ZNF827: variants seen among roughly 807,000 people sequenced by gnomAD.
The protein encoded by ZNF827 is zinc finger protein 827.
A neutral mutation model predicts 102.4 loss-of-function variants in ZNF827; 13 were observed. The observed-to-expected ratio is 0.13, with a 90% CI of 0.08 to 0.20. The LOEUF (loss-of-function observed/expected upper bound fraction) is 0.20, where lower values mean the gene tolerates loss of function less well. Ranked by LOEUF, ZNF827 falls within the 10% of genes least tolerant of loss-of-function variation. The pLI, the probability that ZNF827 is intolerant of heterozygous loss-of-function variation, is 1.00. For synonymous variants in ZNF827, 523 were observed against 536.2 expected, an observed-to-expected ratio of 0.98 and a Z score of 0.34; for missense variants, 1,103 against 1,344.4, an observed-to-expected ratio of 0.82 and a Z score of 2.81.
At chr4:145,809,937 C>T (rs956857272) in intron 8 of ZNF827, among the ~76,000 whole-genome samples, 6 of 152,190 alleles carry the variant, frequency 3.9e-5, no homozygotes, top group Non-Finnish European at 8.8e-5. Context: ...ATTAATTAAA[C>T]TCTTTACTGC....
intron 7 of ZNF827, among the ~76,000 whole-genome samples, chr4:145,836,583 T>C (rs1744864459): frequency 6.6e-6 from 1 of 152,206 alleles, no homozygotes. Context: ...CCATTGTTCC[T>C]GGCTCGGACT....
chr4:145,905,981 A>G lies in ZNF827; in HGVS notation c.44-2766T>C, dbSNP rs1229409894. ...GTCAAGAATGGTTCCAAACTAATGCAGTAGGGTCACCTAACAGCATACCTA... is the reference window on the plus strand; with the variant it reads ...GTCAAGAATGGTTCCAAACTAATGCGGTAGGGTCACCTAACAGCATACCTA... On this transcript the variant is annotated intron_variant, in intron 1 of 14. Transcript: ENST00000508784. Among the ~76,000 whole-genome samples, 4 of 152,266 alleles carry G rather than the reference A, an allele frequency of 2.6e-5. No homozygotes were observed. The East Asian group carries it at 7.7e-4, about 29-fold the overall frequency.
chr4:145,885,890 T>C lies in ZNF827; in HGVS notation c.1535A>G (p.Gln512Arg). The change falls in exon 4 of 15, where the codon CAG becomes CGG. Residue 512 changes from glutamine (Q) to arginine (R), a missense_variant. Transcript: ENST00000508784. Reference sequence around the variant, plus strand: ...CAAAGGCGAGACGCCAGCCCCTCCCTGGCTAGTCCTCTCTGGAGTGTTAGA... The same window carrying C: ...CAAAGGCGAGACGCCAGCCCCTCCCCGGCTAGTCCTCTCTGGAGTGTTAGA... ...MTSNTPERTS[Q>R]GGAGVSPLLV... 6.2e-7 allele frequency: 1 copy of C among 1,614,222 alleles called. No individual in the cohort carries two copies. The highest frequency in any genetic ancestry group is 2.2e-5 in the East Asian group (1 of 44,874).
At chr4:145,863,292 G>T (rs1735210031) in intron 5 of ZNF827, among the ~76,000 whole-genome samples, 1 of 152,214 alleles carries the variant, frequency 6.6e-6, no homozygotes, top group African/African-American at 2.4e-5. Context: ...CTCATCCACT[G>T]CTGGTGGGCA....
Position 145,765,799 on chromosome 4 carries a change from A to G in ZNF827, c.2861-61T>C. On this transcript the variant is annotated intron_variant, in intron 11 of 14. Coordinates refer to ENST00000508784, the MANE Select transcript of ZNF827 (RefSeq NM_001306215.2). The surrounding 1 kb of genome is among the most constrained non-coding windows in gnomAD (Gnocchi z 4.7). The stretch of plus-strand genomic sequence containing the variant: ...GATGAAAATCCTCAGAATTATAGCA[A>G]CTGAGGGTGACGAGTTGAGTCTCAT... 1 of 1,523,954 alleles carries G rather than the reference A, an allele frequency of 6.6e-7. No individual in the cohort carries two copies. Among genetic ancestry groups the G allele is most frequent in the South Asian group, 1.2e-5 (1 of 80,530 alleles). 94.4% of individuals were successfully genotyped at this position (1,523,954 alleles called of 1,614,324 possible).
intron 1 of ZNF827, among the ~76,000 whole-genome samples, chr4:145,908,869 A>T (rs949115748): frequency 6.6e-6 from 1 of 152,216 alleles, no homozygotes; most frequent in Non-Finnish European, 1.5e-5. Flanking sequence ...GTGTAAGCAC[A>T]AAAGAGGGAA....
intron 4 of ZNF827, among the ~76,000 whole-genome samples, chr4:145,877,445 G>A (rs1034682881): frequency 6.6e-5 from 10 of 152,080 alleles, no homozygotes; most frequent in East Asian, 5.8e-4. Flanking sequence ...AATGTTAAGC[G>A]TATTATATTC....
At chr4:145,921,900 T>A (rs1753095733) in intron 1 of ZNF827, among the ~76,000 whole-genome samples, 1 of 152,154 alleles carries the variant, frequency 6.6e-6, no homozygotes, top group Non-Finnish European at 1.5e-5. Context: ...CCAGGATAAA[T>A]ATGGAGCATC....
In ZNF827 at chr4:145,762,884, G is replaced by T. The variant is rs555478780; in HGVS notation, c.*17+206C>A. Among the ~76,000 whole-genome samples the T allele has an allele frequency of 1.3e-5, 2 of 152,338 alleles. No individual in the cohort carries two copies. Among genetic ancestry groups the T allele is most frequent in the East Asian group, 3.9e-4 (2 of 5,184 alleles). On this transcript the variant is annotated intron_variant, in intron 14 of 14. Coordinates refer to ENST00000508784, the MANE Select transcript of ZNF827 (RefSeq NM_001306215.2). The surrounding 1 kb of genome is among the most constrained non-coding windows in gnomAD (Gnocchi z 4.9). ...CTCTTGCTTGGCTCCTGCAGGGCAGGGCTCAGGAGTGGACTGTCCTCGGAG... is the reference window on the plus strand; with the variant it reads ...CTCTTGCTTGGCTCCTGCAGGGCAGTGCTCAGGAGTGGACTGTCCTCGGAG...
At chr4:145,792,430 A>G (rs1739838543) in intron 8 of ZNF827, among the ~76,000 whole-genome samples, 1 of 152,216 alleles carries the variant, frequency 6.6e-6, no homozygotes, top group African/African-American at 2.4e-5. Context: ...TAAATAAATG[A>G]AAAATCTAAG....
chr4:145,763,063 C>T lies in ZNF827; in HGVS notation c.*17+27G>A, dbSNP rs1490522699. On this transcript the variant is annotated intron_variant, in intron 14 of 14. Transcript: ENST00000508784. The surrounding 1 kb of genome is among the most constrained non-coding windows in gnomAD (Gnocchi z 4.6). ...CCCATTCCCAGGTCAGGTGCACACACAACCCCTACGCCAAGCTGGGCCTTA... is the reference window on the plus strand; with the variant it reads ...CCCATTCCCAGGTCAGGTGCACACATAACCCCTACGCCAAGCTGGGCCTTA... 1.3e-6 allele frequency: 2 copies of T among 1,534,552 alleles called. No homozygotes were observed. The highest frequency in any genetic ancestry group is 1.7e-6 in the Non-Finnish European group (2 of 1,145,956).
rs1442532513 is a variant in ZNF827 at position 145,765,604 on chromosome 4, T to C, written c.2995A>G (p.Ile999Val). The change falls in exon 12 of 15, where the codon ATC becomes GTC. Residue 999 changes from isoleucine (I) to valine (V), a missense_variant. Transcript: ENST00000508784. The surrounding 1 kb of genome is among the most constrained non-coding windows in gnomAD (Gnocchi z 4.7). ...KNKGGNNLLVISVMPGSQPSL... is the reference protein window; with the variant it reads ...KNKGGNNLLVVSVMPGSQPSL... ...GGCTGGCTCCCAGGCATGACAGAGA[T>C]GACCAGCAGATTGTTCCCGCCCTTG... The C allele has an allele frequency of 6.2e-7, 1 of 1,614,094 alleles. No individual in the cohort carries two copies.
chr4:145,777,034 T>C (rs976993890), intron 9 of ZNF827, among the ~76,000 whole-genome samples: 2 of 152,214 alleles, frequency 1.3e-5, no homozygotes, highest in Non-Finnish European at 2.9e-5. Flanking sequence ...TCCTTAATGC[T>C]TACTTGGTAT....
At chr4:145,936,881 A>G (rs1441998516) in intron 1 of ZNF827, among the ~76,000 whole-genome samples, 1 of 151,700 alleles carries the variant, frequency 6.6e-6, no homozygotes, top group Non-Finnish European at 1.5e-5. Context: ...TCGGGCTCCG[A>G]GCAGCGCCAA....
At chr4:145,779,196 T>C (rs1204677297) in intron 9 of ZNF827, among the ~76,000 whole-genome samples, 178 bp downstream of exon 9, 1 of 152,232 alleles carries the variant, frequency 6.6e-6, no homozygotes, top group Non-Finnish European at 1.5e-5. Context: ...ACCCTTTCAA[T>C]ACAAATAAAA....
intron 4 of ZNF827, 147 bp downstream of exon 4, chr4:145,885,531 C>A: frequency 8.5e-7 from 1 of 1,173,220 alleles, no homozygotes. Flanking sequence ...GAAGTGCAGA[C>A]TATCCAAATT....
At chr4:145,893,172 T>C (rs1229293110) in intron 2 of ZNF827, among the ~76,000 whole-genome samples, 3 of 152,174 alleles carry the variant, frequency 2.0e-5, no homozygotes, top group Non-Finnish European at 4.4e-5. Context: ...CTCCAATCTT[T>C]CAAGAAATTA....
intron 4 of ZNF827, among the ~76,000 whole-genome samples, chr4:145,884,644 G>A (rs1423900353): frequency 6.6e-6 from 1 of 151,994 alleles, no homozygotes; most frequent in Admixed American, 6.5e-5. Context: ...TTCCAAAAGA[G>A]AATGACAGGA....
intron 1 of ZNF827, among the ~76,000 whole-genome samples, chr4:145,931,098 A>C (rs961481934): frequency 6.6e-6 from 1 of 152,190 alleles, no homozygotes; most frequent in Non-Finnish European, 1.5e-5. Flanking sequence ...TTACAGAGAG[A>C]GGACAGAAAT....
Sources: allele counts gnomAD v4.1 joint callset (sites outside exome capture counted in the v4.1 genomes callset), GRCh38; gene constraint gnomAD v4.1.1; non-coding constraint Gnocchi (gnomAD v3.1); transcripts MANE v1.5; gene names NCBI Gene and HGNC (gene_info 2026-07-23, HGNC 2026-07-21).